The following MEIKIN variants were observed in gnomAD, a reference collection of about 807,000 sequenced individuals.
MEIKIN encodes the protein meiosis-specific kinetochore protein.
intron 9 of MEIKIN, among the ~76,000 whole-genome samples, chr5:131,874,863 C>A (rs1580884473): frequency 6.6e-6 from 1 of 152,124 alleles, no homozygotes; most frequent in Non-Finnish European, 1.5e-5. Context: ...TAAATGTAAT[C>A]CAGCATATAA....
chr5:131,924,645 T>A (rs659490), intron 5 of MEIKIN, among the ~76,000 whole-genome samples: 1 of 152,184 alleles, frequency 6.6e-6, no homozygotes. Context: ...TCTATTCAAG[T>A]TATTTGTCTA....
At chr5:131,859,876 C>G (rs1008239165) in intron 9 of MEIKIN, among the ~76,000 whole-genome samples, 1 of 152,050 alleles carries the variant, frequency 6.6e-6, no homozygotes, top group African/African-American at 2.4e-5. Context: ...TACGTGGATT[C>G]ATTCCTGGGT....
chr5:131,841,225 G>A (rs1359079605), intron 11 of MEIKIN, among the ~76,000 whole-genome samples: 1 of 152,146 alleles, frequency 6.6e-6, no homozygotes, highest in Non-Finnish European at 1.5e-5. Flanking sequence ...CACTGGGTGA[G>A]AGTGGTTGCG....
chr5:131,851,762 C>T (rs1750119070), intron 10 of MEIKIN, among the ~76,000 whole-genome samples: 1 of 152,132 alleles, frequency 6.6e-6, no homozygotes, highest in South Asian at 2.1e-4. Flanking sequence ...CATTTCTGTA[C>T]CAAATTAAAA....
intron 11 of MEIKIN, among the ~76,000 whole-genome samples, chr5:131,843,136 G>A (rs922157991): frequency 2.6e-5 from 4 of 152,234 alleles, no homozygotes; most frequent in Admixed American, 1.3e-4. Context: ...GATGTAGGGC[G>A]CCATGTCCCA....
chr5:131,931,712 T>G (rs533009055), intron 5 of MEIKIN, among the ~76,000 whole-genome samples: 82 of 152,316 alleles, frequency 5.4e-4, no homozygotes, highest in African/African-American at 1.9e-3. Context: ...GCCTGTCGAC[T>G]ATTTTCTGAA....
In MEIKIN at chr5:131,931,018, T is replaced by C. The variant is rs115579088; in HGVS notation, c.478+2495A>G. On this transcript the variant is annotated intron_variant, in intron 5 of 12. Coordinates refer to ENST00000442687, the MANE Select transcript of MEIKIN (RefSeq NM_001303622.2). ...TTCCTTTGTTTCGACCATGTTTCCC[T>C]GCTTCTTAATTTTCCTTGACAATTT... is the stretch of plus-strand genomic sequence containing the variant. 7.8e-3 allele frequency among the ~76,000 whole-genome samples: 1,183 copies of C among 152,328 alleles called. 8 individuals are homozygous for C. The highest frequency in any genetic ancestry group is 0.012 in the Non-Finnish European group (784 of 68,034).
chr5:131,933,784 A>T (rs1751727546), intron 4 of MEIKIN, 143 bp from the exon 5 acceptor site: 1 of 381,472 alleles, frequency 2.6e-6, no homozygotes, highest in Non-Finnish European at 4.6e-6. Context: ...ACAACTAAAA[A>T]GGCATAATAT....
At chr5:131,918,830 C>T (rs1751457468) in intron 6 of MEIKIN, among the ~76,000 whole-genome samples, 1 of 152,180 alleles carries the variant, frequency 6.6e-6, no homozygotes, top group African/African-American at 2.4e-5. Context: ...AGGAACACGG[C>T]TGTGACACCT....
intron 9 of MEIKIN, among the ~76,000 whole-genome samples, chr5:131,863,495 T>C (rs1750324024): frequency 6.6e-6 from 1 of 151,948 alleles, no homozygotes; most frequent in East Asian, 1.9e-4. Flanking sequence ...CATATGTATT[T>C]AGTATTGTTA....
intron 8 of MEIKIN, among the ~76,000 whole-genome samples, chr5:131,880,295 GT>G (rs2084424481): frequency 1.3e-5 from 2 of 150,378 alleles, no homozygotes; most frequent in African/African-American, 4.9e-5. Context: ...TAGAGACAGG[GT>G]TTCACCATGT....
At chr5:131,875,658 C>T (rs898632765) in intron 9 of MEIKIN, among the ~76,000 whole-genome samples, 22 of 152,182 alleles carry the variant, frequency 1.4e-4, no homozygotes, top group Admixed American at 5.9e-4. Context: ...CAAGTTCATA[C>T]GGAACCAAAA....
chr5:131,825,482 C>T (rs190582980), intron 11 of MEIKIN, among the ~76,000 whole-genome samples: 108 of 152,296 alleles, frequency 7.1e-4, no homozygotes, highest in Middle Eastern at 3.4e-3. Flanking sequence ...GTCACATGGT[C>T]AGCACTTAAT....
intron 11 of MEIKIN, among the ~76,000 whole-genome samples, chr5:131,845,367 T>A (rs1460446031): frequency 4.4e-5 from 6 of 137,534 alleles, no homozygotes; most frequent in Non-Finnish European, 9.4e-5. Context: ...TATTCAAACA[T>A]CCAGTTTTTA....
intron 11 of MEIKIN, among the ~76,000 whole-genome samples, chr5:131,844,990 G>A (rs769199325): frequency 6.6e-6 from 1 of 152,192 alleles, no homozygotes; most frequent in South Asian, 2.1e-4. Context: ...GCCAAAGTTG[G>A]CTGGGTGCGG....
chr5:131,822,765 A>G (rs567492242), intron 11 of MEIKIN, among the ~76,000 whole-genome samples: 2 of 152,264 alleles, frequency 1.3e-5, no homozygotes, highest in South Asian at 2.1e-4. Flanking sequence ...GCTTACAGTT[A>G]CCAGTGAGTT....
chr5:131,883,953 A>G (rs1388960138), intron 8 of MEIKIN, among the ~76,000 whole-genome samples: 2 of 152,180 alleles, frequency 1.3e-5, no homozygotes, highest in African/African-American at 2.4e-5. Context: ...GTGCCCACCC[A>G]TGGAGGGAGT....
At chr5:131,822,042 T>C (rs1275301739) in intron 11 of MEIKIN, among the ~76,000 whole-genome samples, 1 of 152,236 alleles carries the variant, frequency 6.6e-6, no homozygotes, top group Non-Finnish European at 1.5e-5. Context: ...CTTTATGTAA[T>C]AACCTGCTTT....
chr5:131,895,518 T>C (rs1278422059), intron 8 of MEIKIN, among the ~76,000 whole-genome samples: 2 of 152,202 alleles, frequency 1.3e-5, no homozygotes, highest in East Asian at 1.9e-4. Context: ...AGTCTGGTCC[T>C]GGACTTTTTT....
Sources: allele counts gnomAD v4.1 joint callset (sites outside exome capture counted in the v4.1 genomes callset), GRCh38; gene constraint gnomAD v4.1.1; transcripts MANE v1.5; gene names NCBI Gene and HGNC (gene_info 2026-07-23, HGNC 2026-07-21).